Variants in CDH4 observed in about 807,000 individuals in gnomAD.
CDH4 encodes cadherin-4.
CDH4 carries 33 observed loss-of-function variants against 86.0 expected under a neutral mutation model. That is an observed-to-expected ratio of 0.38 (90% CI 0.29 to 0.51). The LOEUF (loss-of-function observed/expected upper bound fraction) is 0.51. Among genes scored for constraint, CDH4 ranks in the 20% least tolerant of loss-of-function variants. CDH4 has a pLI of 0.86. For synonymous variants in CDH4, 555 were observed against 549.4 expected, an observed-to-expected ratio of 1.01 and a Z score of -0.14; for missense variants, 1,114 against 1,307.4, an observed-to-expected ratio of 0.85 and a Z score of 2.28.
intron 2 of CDH4, among the ~76,000 whole-genome samples, chr20:61,593,669 CA>C (rs1182719478): frequency 1.3e-5 from 2 of 152,110 alleles, no homozygotes; most frequent in African/African-American, 2.4e-5. Context: ...TAAGACTTTT[CA>C]CCAGTTATGG....
At chr20:61,354,882 CCT>C (rs2084738629) in intron 2 of CDH4, among the ~76,000 whole-genome samples, 1 of 152,320 alleles carries the variant, frequency 6.6e-6, no homozygotes, top group South Asian at 2.1e-4. Flanking sequence ...GCACAGGGAG[CCT>C]CTCTCTGGCT....
At chr20:61,546,987 G>A (rs1392376258) in intron 2 of CDH4, among the ~76,000 whole-genome samples, 3 of 151,984 alleles carry the variant, frequency 2.0e-5, no homozygotes, top group African/African-American at 4.8e-5. Flanking sequence ...AGTGATGGGC[G>A]GTGCCTCTTA....
chr20:61,642,787 C>T (rs1568729620), intron 2 of CDH4, among the ~76,000 whole-genome samples: 1 of 152,146 alleles, frequency 6.6e-6, no homozygotes, highest in Non-Finnish European at 1.5e-5. Flanking sequence ...CTTTCCATTT[C>T]TGGAGGCTGC....
intron 2 of CDH4, among the ~76,000 whole-genome samples, chr20:61,340,654 G>A (rs151214719): frequency 0.034 from 5,193 of 151,248 alleles, 224 homozygotes; most frequent in African/African-American, 0.095. Flanking sequence ...GCATGATCAC[G>A]GCTCACTGCA....
At chr20:61,887,878 G>GGACC (rs1984618335) in intron 7 of CDH4, among the ~76,000 whole-genome samples, 1 of 152,194 alleles carries the variant, frequency 6.6e-6, no homozygotes, top group Non-Finnish European at 1.5e-5. Context: ...AGCAGCCTGG[G>GGACC]GACCCTACGC....
chr20:61,603,710 T>A (rs1037175150), intron 2 of CDH4, among the ~76,000 whole-genome samples: 3 of 152,082 alleles, frequency 2.0e-5, no homozygotes, highest in Non-Finnish European at 4.4e-5. Flanking sequence ...GTGCCTGGGG[T>A]GCCAGTGGAG....
At chr20:61,799,056 C>A (rs1979698754) in intron 4 of CDH4, among the ~76,000 whole-genome samples, 1 of 152,200 alleles carries the variant, frequency 6.6e-6, no homozygotes, top group Non-Finnish European at 1.5e-5. Flanking sequence ...AAGTAGATAC[C>A]AGCTACTTGT....
chr20:61,921,009 G>A (rs1025014002), intron 9 of CDH4, among the ~76,000 whole-genome samples: 2 of 148,710 alleles, frequency 1.3e-5, no homozygotes, highest in Non-Finnish European at 3.0e-5. Flanking sequence ...TTGCATGGAA[G>A]CGTTGTGTCA....
chr20:61,521,558 T>C (rs2085869244), intron 2 of CDH4, among the ~76,000 whole-genome samples: 1 of 152,162 alleles, frequency 6.6e-6, no homozygotes, highest in Non-Finnish European at 1.5e-5. Flanking sequence ...AAACCAGTGG[T>C]GCCCCCACTT....
At chr20:61,558,387 C>T (rs2086192710) in intron 2 of CDH4, among the ~76,000 whole-genome samples, 1 of 152,032 alleles carries the variant, frequency 6.6e-6, no homozygotes, top group South Asian at 2.1e-4. Flanking sequence ...GCCATCAGTA[C>T]CCATGGAGAA....
intron 4 of CDH4, among the ~76,000 whole-genome samples, chr20:61,816,577 C>T (rs557277005): frequency 1.4e-4 from 22 of 152,306 alleles, no homozygotes; most frequent in South Asian, 4.1e-4. Context: ...AGCCGAAATA[C>T]GCTCCATGTG....
In CDH4 at chr20:61,611,222, T is replaced by C. The variant is rs189113559; in HGVS notation, c.170-132341T>C. 3.2e-3 allele frequency among the ~76,000 whole-genome samples: 483 copies of C among 152,004 alleles called. 7 individuals are homozygous for C. Among genetic ancestry groups the C allele is most frequent in the East Asian group, 4.3e-3 (22 of 5,156 alleles). On this transcript the variant is annotated intron_variant, in intron 2 of 15. Coordinates refer to ENST00000614565, the MANE Select transcript of CDH4 (RefSeq NM_001794.5). Reference sequence around the variant, plus strand: ...CCCCAGCCCCTTTCCTTCCTCTCCCTGGGGATCAGAGGGTGGGGCAAAAAG... The same window carrying C: ...CCCCAGCCCCTTTCCTTCCTCTCCCCGGGGATCAGAGGGTGGGGCAAAAAG...
intron 2 of CDH4, among the ~76,000 whole-genome samples, chr20:61,554,467 A>G (rs1353601276): frequency 6.6e-6 from 1 of 152,208 alleles, no homozygotes; most frequent in Non-Finnish European, 1.5e-5. Context: ...AATTGTTCAA[A>G]GTCACATGTA....
At chr20:61,687,151 G>C (rs2087591726) in intron 2 of CDH4, among the ~76,000 whole-genome samples, 1 of 152,172 alleles carries the variant, frequency 6.6e-6, no homozygotes, top group Non-Finnish European at 1.5e-5. Context: ...TGCGTGTTCG[G>C]TGTCCACTGA....
At position 61,746,197 on chromosome 20, in the gene CDH4, C is replaced by T. The variant is rs115335113; in HGVS notation, c.396+2408C>T. On this transcript the variant is annotated intron_variant, in intron 3 of 15. Coordinates refer to ENST00000614565, the MANE Select transcript of CDH4 (RefSeq NM_001794.5). ...TTTCCTGAGTGATTATTACAAGCCA[C>T]GCCCTGGTGAACAAGGCAGGCCCTT... is the stretch of plus-strand genomic sequence containing the variant. 7.1e-3 allele frequency among the ~76,000 whole-genome samples: 1,076 copies of T among 152,284 alleles called. 14 individuals are homozygous for T. Among genetic ancestry groups the T allele is most frequent in the African/African-American group, 0.025 (1,028 of 41,566 alleles).
At chr20:61,309,178 C>T (rs2084432583) in intron 2 of CDH4, among the ~76,000 whole-genome samples, 1 of 152,246 alleles carries the variant, frequency 6.6e-6, no homozygotes. Context: ...ATCCTCTCAT[C>T]TCTCTGGAGC....
intron 8 of CDH4, among the ~76,000 whole-genome samples, chr20:61,899,176 G>A (rs928126533): frequency 1.2e-4 from 18 of 151,816 alleles, no homozygotes; most frequent in Non-Finnish European, 2.2e-4. Flanking sequence ...GTGGTGGTGC[G>A]CACCTGTAAT....
intron 2 of CDH4, among the ~76,000 whole-genome samples, chr20:61,693,053 G>A (rs2087676754): frequency 6.6e-6 from 1 of 152,120 alleles, no homozygotes; most frequent in South Asian, 2.1e-4. Context: ...GTCTCGAATG[G>A]CTATTTTGGG....
chr20:61,536,002 C>A (rs1227838365), intron 2 of CDH4, among the ~76,000 whole-genome samples: 1 of 152,164 alleles, frequency 6.6e-6, no homozygotes, highest in Non-Finnish European at 1.5e-5. Context: ...CAGCAGACCC[C>A]ACACTGCCTG....
Sources: allele counts gnomAD v4.1 joint callset (sites outside exome capture counted in the v4.1 genomes callset), GRCh38; gene constraint gnomAD v4.1.1; transcripts MANE v1.5; gene names NCBI Gene and HGNC (gene_info 2026-07-23, HGNC 2026-07-21).